TXNDC12: variants seen among roughly 807,000 people sequenced by gnomAD.
TXNDC12 encodes the protein thioredoxin domain-containing protein 12.
TXNDC12 carries 22 observed loss-of-function variants against 24.2 expected under a neutral mutation model. The observed-to-expected ratio is 0.91, with a 90% CI of 0.65 to 1.30. The LOEUF is 1.30. Among genes scored for constraint, TXNDC12 ranks in the 50% most tolerant of loss-of-function variants. The pLI is 0.00. For synonymous variants in TXNDC12, 58 were observed against 73.4 expected (o/e 0.79, Z 1.07); for missense variants, 184 against 205.8 (o/e 0.89, Z 0.65).
At chr1:52,039,795 A>G (rs1685952635) in intron 2 of TXNDC12, among the ~76,000 whole-genome samples, 1 of 152,232 alleles carries the variant, frequency 6.6e-6, no homozygotes, top group Admixed American at 6.5e-5. Flanking sequence ...TATATACTAC[A>G]GTTAATTTTT....
At chr1:52,039,831 C>A (rs917833634) in intron 2 of TXNDC12, among the ~76,000 whole-genome samples, 4 of 152,208 alleles carry the variant, frequency 2.6e-5, no homozygotes, top group African/African-American at 9.6e-5. Flanking sequence ...AATATGGCAT[C>A]TTTACATTTG....
chr1:52,045,208 T>C (rs1259225682), intron 1 of TXNDC12, among the ~76,000 whole-genome samples: 2 of 152,000 alleles, frequency 1.3e-5, no homozygotes, highest in Non-Finnish European at 2.9e-5. Flanking sequence ...AAAGCAAAAT[T>C]ATGGAGATAG....
chr1:52,020,867 A>G lies in TXNDC12; in HGVS notation c.*66T>C, dbSNP rs1685585794. On this transcript the variant is annotated 3_prime_UTR_variant, in exon 7 of 7. Transcript: ENST00000371626. ...CTTAATTGTTCTAGATGATTCCTCAATATTCCCTTCCCTGCTGCTTTCCTT... is the reference window on the plus strand; with the variant it reads ...CTTAATTGTTCTAGATGATTCCTCAGTATTCCCTTCCCTGCTGCTTTCCTT... The G allele has an allele frequency of 2.2e-6, 3 of 1,380,244 alleles. No individual in the cohort carries two copies. Among genetic ancestry groups the G allele is most frequent in the East Asian group, 2.3e-5 (1 of 43,528 alleles). The allele number at this position is 1,380,244 out of a possible 1,614,324, so 85.5% of individuals were successfully genotyped here. A position where few individuals can be genotyped will look rare whatever the true frequency, so the allele number is the denominator to read the frequency against.
At chr1:52,048,677 G>A (rs1329601772) in intron 1 of TXNDC12, among the ~76,000 whole-genome samples, 1 of 151,642 alleles carries the variant, frequency 6.6e-6, no homozygotes, top group Non-Finnish European at 1.5e-5. Flanking sequence ...GACCAGCCTG[G>A]CCAACCCCAT....
intron 2 of TXNDC12, chr1:52,032,548 G>C: frequency 1.4e-6 from 2 of 1,401,328 alleles, no homozygotes; most frequent in African/African-American, 2.9e-5. Flanking sequence ...CCTGGCACAG[G>C]GGTATGCAGG....
At chr1:52,040,825 G>A (rs1037755289) in intron 2 of TXNDC12, among the ~76,000 whole-genome samples, 12 of 147,326 alleles carry the variant, frequency 8.1e-5, no homozygotes, top group Non-Finnish European at 1.3e-4. Flanking sequence ...GAGGTTGGGA[G>A]CTCAAGACCA....
intron 1 of TXNDC12, among the ~76,000 whole-genome samples, chr1:52,045,129 A>T (rs189961428): frequency 1.5e-4 from 23 of 152,362 alleles, no homozygotes; most frequent in African/African-American, 5.5e-4. Context: ...AACCTTAAAC[A>T]TATACTAAGT....
chr1:52,046,838 A>C (rs892878254), intron 1 of TXNDC12, among the ~76,000 whole-genome samples: 2 of 140,428 alleles, frequency 1.4e-5, no homozygotes, highest in Admixed American at 7.5e-5. Context: ...CAACATGGTG[A>C]AACCCCATCT....
rs1337073834 is a variant in TXNDC12, at chr1:52,020,148, A to G, written c.*785T>C. 5.7e-6 allele frequency: 1 copy of G among 175,740 alleles called. No homozygotes were observed. The highest frequency in any genetic ancestry group is 1.2e-5 in the Non-Finnish European group (1 of 82,634). 10.9% of individuals were successfully genotyped at this position (175,740 alleles called of 1,614,324 possible). On this transcript the variant is annotated 3_prime_UTR_variant, in exon 7 of 7. Coordinates refer to ENST00000371626, the MANE Select transcript of TXNDC12 (RefSeq NM_015913.4). Reference sequence around the variant, plus strand: ...ACAGCACATTTCCTTTTAAAGTTTTATTAAAGTTTAATGGTACAATATTTT... The same window carrying G: ...ACAGCACATTTCCTTTTAAAGTTTTGTTAAAGTTTAATGGTACAATATTTT...
rs1248687235 is a variant in TXNDC12, at chr1:52,055,040, G to C, written c.57C>G (p.Leu19=). 6.2e-7 allele frequency: 1 copy of C among 1,614,092 alleles called. No homozygotes were observed. Among genetic ancestry groups the C allele is most frequent in the Non-Finnish European group, 8.5e-7 (1 of 1,179,994 alleles). ...ATCLLGFSFL[L]LVISSDGHNG... is the part of the protein sequence containing the mutation. Reference sequence around the variant, plus strand: ...TATGTCCATCAGAAGAGATGACGAGGAGCAGGAAACTGAAGCCCAGCAAAC... The same window carrying C: ...TATGTCCATCAGAAGAGATGACGAGCAGCAGGAAACTGAAGCCCAGCAAAC... Residue 19 remains leucine, a synonymous_variant, in exon 1 of 7, where the codon CTC becomes CTG. Coordinates refer to ENST00000371626, the MANE Select transcript of TXNDC12 (RefSeq NM_015913.4).
At chr1:52,034,515 C>A (rs1460111471) in intron 2 of TXNDC12, among the ~76,000 whole-genome samples, 2 of 152,176 alleles carry the variant, frequency 1.3e-5, no homozygotes, top group African/African-American at 4.8e-5. Context: ...CATTTTTAAG[C>A]TTAAGTGTGT....
chr1:52,033,437 G>C (rs201861316), intron 2 of TXNDC12: 2 of 1,612,856 alleles, frequency 1.2e-6, no homozygotes. Context: ...CCGCCGGGCC[G>C]TACGCAGTAG....
At chr1:52,021,114 G>A in intron 6 of TXNDC12, 102 bp from the exon 7 acceptor site, 1 of 869,880 alleles carries the variant, frequency 1.1e-6, no homozygotes, top group Admixed American at 2.0e-5. Context: ...TATGAGAGGA[G>A]TACAAGATCT....
At position 52,024,407 on chromosome 1, in the gene TXNDC12, T is replaced by C. The variant is rs899307169; in HGVS notation, c.355+103A>G. 3 of 878,238 alleles carry C rather than the reference T, an allele frequency of 3.4e-6. No individual in the cohort carries two copies. The African/African-American group carries it at 5.0e-5, about 15-fold the overall frequency. 54.4% of individuals were successfully genotyped at this position (878,238 alleles called of 1,614,324 possible). A position where few individuals can be genotyped will look rare whatever the true frequency, so the allele number is the denominator to read the frequency against. On this transcript the variant is annotated intron_variant, in intron 5 of 6. Coordinates refer to ENST00000371626, the MANE Select transcript of TXNDC12 (RefSeq NM_015913.4). ...TCTCTTGAAACTGGTTTTTATTTGTTTGTGGTCATCCTGGTATAGTTTCAC... is the reference window on the plus strand; with the variant it reads ...TCTCTTGAAACTGGTTTTTATTTGTCTGTGGTCATCCTGGTATAGTTTCAC...
chr1:52,027,797 TATGTGTATATATGTTATATACACACATA>T (rs1685694877), intron 3 of TXNDC12, among the ~76,000 whole-genome samples: 1 of 149,916 alleles, frequency 6.7e-6, no homozygotes, highest in African/African-American at 2.4e-5. Context: ...GTTATGTATA[TATGTGTATATATGTTATATACACACATA>T]CATTCCTATT....
intron 2 of TXNDC12, among the ~76,000 whole-genome samples, chr1:52,037,683 C>T (rs1685910693): frequency 6.6e-6 from 1 of 152,290 alleles, no homozygotes; most frequent in East Asian, 1.9e-4. Flanking sequence ...TTCTTGTTGT[C>T]TAAGCCTTCT....
chr1:52,032,958 G>A (rs1445258253), intron 2 of TXNDC12: 1 of 1,588,322 alleles, frequency 6.3e-7, no homozygotes, highest in East Asian at 2.2e-5. Context: ...GCAGAAAGCT[G>A]CCGGAGGCGA....
intron 2 of TXNDC12, among the ~76,000 whole-genome samples, chr1:52,037,022 A>T (rs1422375009): frequency 2.0e-5 from 3 of 152,170 alleles, no homozygotes; most frequent in Non-Finnish European, 4.4e-5. Context: ...TTCTATAACG[A>T]CAATGGCATC....
chr1:52,052,348 C>T (rs1421237484), intron 1 of TXNDC12: 1 of 166,986 alleles, frequency 6.0e-6, no homozygotes, highest in African/African-American at 2.4e-5. Flanking sequence ...CAACATACCT[C>T]CCATTGGGGG....
Sources: allele counts gnomAD v4.1 joint callset (sites outside exome capture counted in the v4.1 genomes callset), GRCh38; gene constraint gnomAD v4.1.1; transcripts MANE v1.5; gene names NCBI Gene and HGNC (gene_info 2026-07-23, HGNC 2026-07-21).